FSTL4: variants seen among roughly 807,000 people sequenced by gnomAD.
The protein encoded by FSTL4 is follistatin like 4.
In FSTL4, 28 loss-of-function variants were observed where a neutral mutation model predicts 78.2. That is an observed-to-expected ratio of 0.36 (90% CI 0.27 to 0.49). The LOEUF is 0.49. Among genes scored for constraint, FSTL4 ranks in the 20% least tolerant of loss-of-function variants. FSTL4 has a pLI of 0.98. For synonymous variants in FSTL4, 422 were observed against 440.5 expected (o/e 0.96, Z 0.53); for missense variants, 922 against 1,084.9 (o/e 0.85, Z 2.11).
chr5:133,496,907 G>C lies in FSTL4; in HGVS notation c.160+70279C>G, dbSNP rs551940520. Among the ~76,000 whole-genome samples, 14 of 152,202 alleles carry C rather than the reference G, an allele frequency of 9.2e-5. No individual in the cohort carries two copies. In the South Asian group the frequency reaches 2.7e-3, roughly 29 times the overall value. On this transcript the variant is annotated intron_variant, in intron 3 of 15. Coordinates refer to ENST00000265342, the MANE Select transcript of FSTL4 (RefSeq NM_015082.2). ...GTCCAGTTGGACTGCCCAAAGCCCT[G>C]ACTCCCCCTTACTGCCTCCCGCCCA...
chr5:133,657,824 T>G, the FSTL4 span, among the ~76,000 whole-genome samples: 1 of 150,936 alleles, frequency 6.6e-6, no homozygotes, highest in Non-Finnish European at 1.5e-5. Flanking sequence ...CTAAAACAGA[T>G]GTATAGACTA....
chr5:133,834,685 G>GA, the FSTL4 span, among the ~76,000 whole-genome samples: 3 of 151,642 alleles, frequency 2.0e-5, no homozygotes, highest in African/African-American at 7.3e-5. Flanking sequence ...TATAGAATCA[G>GA]AAAAAATAAG....
In FSTL4 at chr5:133,603,840, G is replaced by A. The variant is rs150489062; in HGVS notation, c.126+18C>T. The A allele has an allele frequency of 6.3e-5, 101 of 1,612,394 alleles. 1 individual carries two copies. The highest frequency in any genetic ancestry group is 3.3e-4 in the Middle Eastern group (2 of 6,054). On this transcript the variant is annotated intron_variant, in intron 2 of 15. Transcript: ENST00000265342. ...GCAATCAGTTTGAAATGTTATGTCC[G>A]CAGGGATTTGACTATACCTCTGCCT...
rs75366784 is a variant in FSTL4, at chr5:133,343,008, T to C, written c.410-26356A>G. 4.5e-3 allele frequency among the ~76,000 whole-genome samples: 692 copies of C among 152,308 alleles called. 9 individuals carry two copies. The highest frequency in any genetic ancestry group is 0.016 in the African/African-American group (661 of 41,574). On this transcript the variant is annotated intron_variant, in intron 4 of 15. Transcript: ENST00000265342. Reference sequence around the variant, plus strand: ...ACCTGCCTGTGATTGTCCTAATGACTGTGGGAGTTGAGGCCTTTCCTTCTT... The same window carrying C: ...ACCTGCCTGTGATTGTCCTAATGACCGTGGGAGTTGAGGCCTTTCCTTCTT...
chr5:133,783,169 C>G, the FSTL4 span, among the ~76,000 whole-genome samples: 1 of 152,190 alleles, frequency 6.6e-6, no homozygotes, highest in Non-Finnish European at 1.5e-5. Context: ...CTCCCCACCA[C>G]AAGCCTTCCA....
intron 3 of FSTL4, among the ~76,000 whole-genome samples, chr5:133,548,565 T>A (rs1020592261): frequency 2.6e-5 from 4 of 152,146 alleles, no homozygotes; most frequent in Admixed American, 6.5e-5. Context: ...CCTGTAATCA[T>A]GAGATAAAAT....
intron 3 of FSTL4, among the ~76,000 whole-genome samples, chr5:133,421,384 G>C (rs756899021): frequency 6.6e-6 from 1 of 152,266 alleles, no homozygotes; most frequent in Non-Finnish European, 1.5e-5. Context: ...GCCTTCTGCA[G>C]TGGGTCCTAC....
intron 3 of FSTL4, among the ~76,000 whole-genome samples, chr5:133,553,202 T>C (rs552510323): frequency 1.3e-5 from 2 of 152,320 alleles, no homozygotes; most frequent in East Asian, 1.9e-4. Context: ...CCAAGACTAA[T>C]AGCCTGGACC....
At chr5:133,729,100 G>A in the FSTL4 span, among the ~76,000 whole-genome samples, 1 of 152,132 alleles carries the variant, frequency 6.6e-6, no homozygotes, top group South Asian at 2.1e-4. Context: ...ACAATTTCTG[G>A]AATTAGGTGG....
intron 6 of FSTL4, among the ~76,000 whole-genome samples, chr5:133,295,017 A>G (rs1256526251): frequency 6.6e-6 from 1 of 152,068 alleles, no homozygotes; most frequent in East Asian, 1.9e-4. Flanking sequence ...CTCACTTTGG[A>G]TTCAGGACTA....
chr5:133,385,219 C>A (rs563098686), intron 4 of FSTL4, among the ~76,000 whole-genome samples: 7 of 152,194 alleles, frequency 4.6e-5, no homozygotes, highest in African/African-American at 1.7e-4. Flanking sequence ...CAATGAAATG[C>A]GGAATTGCAG....
chr5:133,229,896 C>T (rs1360650790), intron 8 of FSTL4, among the ~76,000 whole-genome samples: 1 of 152,140 alleles, frequency 6.6e-6, no homozygotes, highest in East Asian at 1.9e-4. Context: ...GGAAGTGATT[C>T]AAGAATGAAC....
At chr5:133,748,426 C>G in the FSTL4 span, among the ~76,000 whole-genome samples, 3 of 151,874 alleles carry the variant, frequency 2.0e-5, no homozygotes, top group Non-Finnish European at 4.4e-5. Context: ...AAAAAATTAG[C>G]TGGGCTTGGT....
chr5:133,559,015 T>A (rs867631282), intron 3 of FSTL4, among the ~76,000 whole-genome samples: 1 of 152,160 alleles, frequency 6.6e-6, no homozygotes, highest in Non-Finnish European at 1.5e-5. Flanking sequence ...AACAACACAA[T>A]CTTAAAATAA....
At chr5:133,631,661 G>T in the FSTL4 span, among the ~76,000 whole-genome samples, 1 of 152,094 alleles carries the variant, frequency 6.6e-6, no homozygotes, top group African/African-American at 2.4e-5. Flanking sequence ...TATACCCAAA[G>T]GATTATAAAT....
chr5:133,346,865 TCTTCGGCTC>T lies in FSTL4; in HGVS notation c.410-30222_410-30214del, dbSNP rs1233886659. Among the ~76,000 whole-genome samples, 13 of 152,234 alleles carry T rather than the reference TCTTCGGCTC, an allele frequency of 8.5e-5. 1 individual carries two copies. Among genetic ancestry groups the T allele is most frequent in the Admixed American group, 8.5e-4 (13 of 15,282 alleles). Reference sequence around the variant, plus strand: ...GTTGTGGGATACTTCCTTGACTTATTCTTCGGCTCCTTCTATGGAAGGTTTAATGTTGGT... The same window carrying T: ...GTTGTGGGATACTTCCTTGACTTATTCTTCTATGGAAGGTTTAATGTTGGT... On this transcript the variant is annotated intron_variant, in intron 4 of 15. Coordinates refer to ENST00000265342, the MANE Select transcript of FSTL4 (RefSeq NM_015082.2).
chr5:133,700,174 C>T, the FSTL4 span, among the ~76,000 whole-genome samples: 1 of 151,958 alleles, frequency 6.6e-6, no homozygotes, highest in Non-Finnish European at 1.5e-5. Context: ...AACCACCACA[C>T]CAAACCATCA....
At chr5:133,472,696 T>C (rs1027797388) in intron 3 of FSTL4, among the ~76,000 whole-genome samples, 1 of 152,258 alleles carries the variant, frequency 6.6e-6, no homozygotes, top group Non-Finnish European at 1.5e-5. Flanking sequence ...GTCATACTAA[T>C]GTAAATGCGA....
chr5:133,615,811 T>C (rs1761189334), upstream of FSTL4, among the ~76,000 whole-genome samples: 1 of 152,204 alleles, frequency 6.6e-6, no homozygotes, highest in Non-Finnish European at 1.5e-5. Context: ...AAGGTATTCA[T>C]TCAAGGGACA....
Sources: gnomAD v4.1 joint callset for allele counts (sites outside exome capture counted in the v4.1 genomes callset) on GRCh38, gnomAD v4.1.1 for gene constraint, MANE v1.5 for transcripts, NCBI Gene and HGNC (gene_info 2026-07-23, HGNC 2026-07-21) for gene names.